GNB1L: variants seen among roughly 807,000 people sequenced by gnomAD.
GNB1L encodes G protein subunit beta 1 like.
Under a neutral mutation model 29.1 loss-of-function variants are expected in GNB1L, and 20 were observed. That is an observed-to-expected ratio of 0.69 (90% CI 0.48 to 1.00). GNB1L has a LOEUF of 1.00. Among genes scored for constraint, GNB1L ranks in the 50% least tolerant of loss-of-function variants. The pLI, the probability that GNB1L is intolerant of heterozygous loss-of-function variation, is 0.00. For synonymous variants in GNB1L, 193 were observed against 206.5 expected (o/e 0.93, Z 0.56); for missense variants, 421 against 464.9 (o/e 0.91, Z 0.87).
At chr22:19,843,432 C>T (rs1261000135) in intron 2 of GNB1L, among the ~76,000 whole-genome samples, 1 of 152,204 alleles carries the variant, frequency 6.6e-6, no homozygotes, top group Non-Finnish European at 1.5e-5. Flanking sequence ...GCCCAGCAGC[C>T]CGATGGCGAG....
At chr22:19,832,556 T>C (rs1033048261) in intron 2 of GNB1L, among the ~76,000 whole-genome samples, 1 of 152,028 alleles carries the variant, frequency 6.6e-6, no homozygotes, top group Non-Finnish European at 1.5e-5. Context: ...AATTTCTAGA[T>C]AGAGATACAG....
rs767211316 is a variant in GNB1L, at chr22:19,788,946, A to C, written c.747T>G (p.His249Gln). 8 of 1,606,858 alleles carry C rather than the reference A, an allele frequency of 5.0e-6. No homozygotes were observed. In the South Asian group the frequency reaches 7.7e-5, roughly 16 times the overall value. The change falls in exon 8 of 8, where the codon CAT (histidine) becomes CAG (glutamine). Residue 249 changes from histidine to glutamine, a missense_variant. Transcript: ENST00000329517. ...WQQALQVRGT[H>Q]ELTNPGIAEV... ...CGGCGATCCCGGGATTGGTGAGTTCATGAGTCCCACGCACCTGTGAGAGTT... is the reference window on the plus strand; with the variant it reads ...CGGCGATCCCGGGATTGGTGAGTTCCTGAGTCCCACGCACCTGTGAGAGTT...
chr22:19,847,693 C>T (rs537966586), intron 2 of GNB1L: 86 of 983,554 alleles, frequency 8.7e-5, no homozygotes, highest in Non-Finnish European at 9.5e-5. Flanking sequence ...AGAATTGTTA[C>T]GTGGTCAAAT....
intron 7 of GNB1L, among the ~76,000 whole-genome samples, chr22:19,797,481 G>C (rs1937319947): frequency 1.3e-5 from 2 of 152,198 alleles, no homozygotes. Context: ...ACCTGTATGA[G>C]TTGGAGAGAT....
chr22:19,792,920 G>A (rs570155631), intron 7 of GNB1L: 33 of 1,223,378 alleles, frequency 2.7e-5, no homozygotes, highest in African/African-American at 1.5e-4. Flanking sequence ...AGGTGAACTC[G>A]GAAGACAAAG....
intron 7 of GNB1L, among the ~76,000 whole-genome samples, chr22:19,801,767 A>C (rs1221454926): frequency 1.3e-5 from 2 of 151,646 alleles, no homozygotes; most frequent in Non-Finnish European, 2.9e-5. Context: ...GATGGACAAG[A>C]TGTGACGGCA....
chr22:19,809,509 C>CA (rs1937474673), intron 5 of GNB1L, among the ~76,000 whole-genome samples: 2 of 152,188 alleles, frequency 1.3e-5, no homozygotes, highest in African/African-American at 4.8e-5. Context: ...TGCAATAAGG[C>CA]AAGGGTCTAA....
intron 2 of GNB1L, among the ~76,000 whole-genome samples, chr22:19,826,075 G>A (rs1937617717): frequency 6.6e-6 from 1 of 152,252 alleles, no homozygotes; most frequent in Non-Finnish European, 1.5e-5. Context: ...GACCTGCCAA[G>A]CCTGCCTTGA....
chr22:19,815,601 G>A (rs1937521077), intron 4 of GNB1L, among the ~76,000 whole-genome samples: 1 of 151,942 alleles, frequency 6.6e-6, no homozygotes, highest in Non-Finnish European at 1.5e-5. Flanking sequence ...TTTTTTCTTT[G>A]AGACAATATC....
In GNB1L at chr22:19,815,336, G is replaced by A. The variant is rs546563119; in HGVS notation, c.255-2889C>T. 3.9e-5 allele frequency among the ~76,000 whole-genome samples: 6 copies of A among 152,332 alleles called. No homozygotes were observed. The South Asian group carries it at 1.2e-3, about 32-fold the overall frequency. Reference sequence around the variant, plus strand: ...TCCAAATCTCCACTGGGGTTTTGGAGAACCTGCCAAACTGATGTCAAAATG... The same window carrying A: ...TCCAAATCTCCACTGGGGTTTTGGAAAACCTGCCAAACTGATGTCAAAATG... On this transcript the variant is annotated intron_variant, in intron 4 of 7. Transcript: ENST00000329517.
At chr22:19,852,872 T>G (rs1001336689) in intron 2 of GNB1L, among the ~76,000 whole-genome samples, 1 of 152,058 alleles carries the variant, frequency 6.6e-6, no homozygotes, top group African/African-American at 2.4e-5. Context: ...CACTAACCCA[T>G]AAGTGGTGGA....
At chr22:19,852,350 A>G in intron 2 of GNB1L, 1 of 1,425,698 alleles carries the variant, frequency 7.0e-7, no homozygotes, top group South Asian at 1.3e-5. Flanking sequence ...ACAACAGGAC[A>G]GGGATGGCTG....
At chr22:19,841,947 T>C (rs1055448875) in intron 2 of GNB1L, among the ~76,000 whole-genome samples, 4 of 152,194 alleles carry the variant, frequency 2.6e-5, no homozygotes, top group Non-Finnish European at 4.4e-5. Context: ...AATTGGCTGG[T>C]CCTCCAGGCC....
rs1166229486 is a variant in GNB1L at position 19,853,437 on chromosome 22, CTCTA to C, written c.-21+1002_-21+1005del. Among the ~76,000 whole-genome samples, 8 of 152,246 alleles carry C rather than the reference CTCTA, an allele frequency of 5.3e-5. No individual in the cohort carries two copies. In the East Asian group the frequency reaches 1.4e-3, roughly 26 times the overall value. On this transcript the variant is annotated intron_variant, in intron 2 of 7. Coordinates refer to ENST00000329517, the MANE Select transcript of GNB1L (RefSeq NM_053004.3). ...AGGGCTCTTACACTCTGCAGCCTAACTCTATCTAGCCCCCTCCCCAGTCTCTCTG... is the reference window on the plus strand; with the variant it reads ...AGGGCTCTTACACTCTGCAGCCTAACTCTAGCCCCCTCCCCAGTCTCTCTG...
intron 7 of GNB1L, among the ~76,000 whole-genome samples, chr22:19,798,300 C>T (rs13055873): frequency 2.6e-5 from 4 of 152,236 alleles, no homozygotes; most frequent in African/African-American, 4.8e-5. Context: ...GGGACCAGAA[C>T]ACAGTGGCCC....
intron 7 of GNB1L, chr22:19,793,032 G>A: frequency 6.3e-7 from 1 of 1,595,364 alleles, no homozygotes; most frequent in Non-Finnish European, 8.5e-7. Context: ...TCCTAAGTCT[G>A]TGGCTCGTAT....
intron 2 of GNB1L, among the ~76,000 whole-genome samples, chr22:19,843,553 G>A (rs1701461871): frequency 6.6e-6 from 1 of 152,174 alleles, no homozygotes; most frequent in Non-Finnish European, 1.5e-5. Flanking sequence ...AATAAGGTAT[G>A]CCCCCCAAGA....
intron 2 of GNB1L, chr22:19,848,387 A>G (rs1400766394): frequency 2.0e-6 from 2 of 985,310 alleles, no homozygotes; most frequent in Admixed American, 1.2e-4. Context: ...AAAACAACCC[A>G]GGGGGAATGC....
Position 19,850,515 on chromosome 22 carries a change from C to T in GNB1L, c.-21+3928G>A, listed in dbSNP as rs986513201. 10 of 1,062,112 alleles carry T rather than the reference C, an allele frequency of 9.4e-6. No homozygotes were observed. The African/African-American group carries it at 1.3e-4, about 14-fold the overall frequency. 65.8% of individuals were successfully genotyped at this position (1,062,112 alleles called of 1,614,324 possible). A position where few individuals can be genotyped will look rare whatever the true frequency, so the allele number is the denominator to read the frequency against. On this transcript the variant is annotated intron_variant, in intron 2 of 7. Coordinates refer to ENST00000329517, the MANE Select transcript of GNB1L (RefSeq NM_053004.3). ...GGCGAATGCCTGCAGCTGAGCCTGGCAAGGGGCTTGCATCCCACCTTCCTG... is the reference window on the plus strand; with the variant it reads ...GGCGAATGCCTGCAGCTGAGCCTGGTAAGGGGCTTGCATCCCACCTTCCTG...
Sources: gnomAD v4.1 joint callset for allele counts (sites outside exome capture counted in the v4.1 genomes callset) on GRCh38, gnomAD v4.1.1 for gene constraint, MANE v1.5 for transcripts, NCBI Gene and HGNC (gene_info 2026-07-23, HGNC 2026-07-21) for gene names.